Variants in ROR2 observed in about 807,000 individuals in gnomAD.
ROR2 encodes tyrosine-protein kinase transmembrane receptor ROR2.
ROR2 carries 33 observed loss-of-function variants against 74.9 expected under a neutral mutation model. The ratio of observed to expected loss-of-function variants is 0.44; its 90% confidence interval spans 0.33 to 0.59. ROR2 has a LOEUF of 0.59. Ranked by LOEUF, ROR2 falls within the 20% of genes least tolerant of loss-of-function variation. ROR2 has a pLI of 0.02. For synonymous variants in ROR2, 586 were observed against 558.7 expected (o/e 1.05, Z -0.69); for missense variants, 1,216 against 1,313.8 (o/e 0.93, Z 1.15).
intron 2 of ROR2, among the ~76,000 whole-genome samples, chr9:91,763,582 T>C (rs1825978479): frequency 6.6e-6 from 1 of 152,236 alleles, no homozygotes; most frequent in Non-Finnish European, 1.5e-5. Context: ...TCCTTTGGAA[T>C]ATTTCTCGTC....
At position 91,725,210 on chromosome 9, in the gene ROR2, A is replaced by G. The variant is rs376802948; in HGVS notation, c.1387-103T>C. On this transcript the variant is annotated intron_variant, in intron 8 of 8. Transcript: ENST00000375708. ...GTGGAGTCCCTGTGCGGCCACGACT[A>G]GGGGGGCCTTGCAGAAGACCCGCTG... 1.5e-4 allele frequency: 239 copies of G among 1,590,630 alleles called. 1 individual carries two copies. In the African/African-American group the frequency reaches 2.6e-3, roughly 17 times the overall value.
intron 1 of ROR2, among the ~76,000 whole-genome samples, chr9:91,824,736 A>C (rs898959623): frequency 6.6e-6 from 1 of 152,156 alleles, no homozygotes; most frequent in Non-Finnish European, 1.5e-5. Flanking sequence ...GAAACAGGGC[A>C]TCGGGGTGGG....
chr9:91,900,262 G>A (rs563971471), intron 1 of ROR2, among the ~76,000 whole-genome samples: 7 of 152,342 alleles, frequency 4.6e-5, no homozygotes, highest in Admixed American at 1.3e-4. Context: ...AGGCCCAAGC[G>A]CAGAAGCAGA....
At chr9:91,947,529 A>G (rs1185002336) in intron 1 of ROR2, among the ~76,000 whole-genome samples, 1 of 152,134 alleles carries the variant, frequency 6.6e-6, no homozygotes, top group Non-Finnish European at 1.5e-5. Context: ...TTCTAGATGG[A>G]TTTCTTCTAG....
chr9:91,805,702 C>G (rs536301662), intron 1 of ROR2, among the ~76,000 whole-genome samples: 1 of 152,162 alleles, frequency 6.6e-6, no homozygotes, highest in Non-Finnish European at 1.5e-5. Flanking sequence ...TATGAACATA[C>G]GTACACACAC....
intron 1 of ROR2, among the ~76,000 whole-genome samples, chr9:91,858,221 G>A (rs544501827): frequency 6.6e-6 from 1 of 152,356 alleles, no homozygotes; most frequent in South Asian, 2.1e-4. Flanking sequence ...TAACTGAGGT[G>A]GGGGTGCGGG....
intron 1 of ROR2, among the ~76,000 whole-genome samples, chr9:91,945,419 C>A (rs1186434674): frequency 6.6e-6 from 1 of 152,144 alleles, no homozygotes; most frequent in Non-Finnish European, 1.5e-5. Flanking sequence ...TTTAGGGGAA[C>A]CCTCCCCCAC....
chr9:91,893,597 A>C (rs879928444), intron 1 of ROR2, among the ~76,000 whole-genome samples: 3 of 152,130 alleles, frequency 2.0e-5, no homozygotes, highest in Non-Finnish European at 4.4e-5. Flanking sequence ...TTCCCTAATA[A>C]ATGTTTTGCA....
chr9:91,773,324 C>T (rs796204836), intron 2 of ROR2, among the ~76,000 whole-genome samples: 1 of 152,224 alleles, frequency 6.6e-6, no homozygotes, highest in Non-Finnish European at 1.5e-5. Flanking sequence ...CCCCCTCCCC[C>T]TCAACTGCAT....
rs990663656 is a variant in ROR2 at position 91,792,465 on chromosome 9, C to T, written c.98-16647G>A. On this transcript the variant is annotated intron_variant, in intron 1 of 8. Transcript: ENST00000375708. ...CTGGGACTACAGGCGCCCGCCACCA[C>T]GCCCAGCTAATTTTTTGTACTTTTA... is the stretch of plus-strand genomic sequence containing the variant. Among the ~76,000 whole-genome samples the T allele has an allele frequency of 7.2e-5, 11 of 152,152 alleles. No homozygotes were observed. In the East Asian group the frequency reaches 7.7e-4, roughly 11 times the overall value.
intron 1 of ROR2, among the ~76,000 whole-genome samples, chr9:91,906,954 T>C (rs1587837590): frequency 6.6e-6 from 1 of 152,142 alleles, no homozygotes; most frequent in Non-Finnish European, 1.5e-5. Flanking sequence ...TTGGTGGCGG[T>C]GGGAACATTC....
rs10992070 is a variant in ROR2 at position 91,731,188 on chromosome 9, G to A, written c.938-33C>T. The A allele has an allele frequency of 0.11, 178,346 of 1,612,854 alleles. 11,077 individuals carry two copies. Among genetic ancestry groups the A allele is most frequent in the Middle Eastern group, 0.13 (786 of 6,052 alleles). On this transcript the variant is annotated intron_variant, in intron 6 of 8. Coordinates refer to ENST00000375708, the MANE Select transcript of ROR2 (RefSeq NM_004560.4). ...AGGAAAACACGTTAGGAAAACCTCC[G>A]GGGTACAACAAAACCATTCTGCCTA...
intron 1 of ROR2, among the ~76,000 whole-genome samples, chr9:91,926,004 G>A (rs1831385772): frequency 2.6e-5 from 4 of 152,182 alleles, no homozygotes; most frequent in Admixed American, 2.6e-4. Context: ...AGCACTCTGG[G>A]AGGCCGAGGC....
chr9:91,724,653 T>C lies in ROR2; in HGVS notation c.1841A>G (p.Lys614Arg), dbSNP rs1001896010. The C allele has an allele frequency of 5.6e-6, 9 of 1,614,186 alleles. No homozygotes were observed. The highest frequency in any genetic ancestry group is 7.6e-6 in the Non-Finnish European group (9 of 1,180,026). ...TAGCACATTGCGGGTGGCCAGGTCCTTGTGAACCACGTGGTGGCTGGATAG... is the reference window on the plus strand; with the variant it reads ...TAGCACATTGCGGGTGGCCAGGTCCCTGTGAACCACGTGGTGGCTGGATAG... ...EYLSSHHVVH[K>R]DLATRNVLVY... Residue 614 changes from lysine to arginine, a missense_variant, in exon 9 of 9, where the codon AAG (lysine) becomes AGG (arginine). Lys to Arg is a conservative substitution (Grantham distance 26). Coordinates refer to ENST00000375708, the MANE Select transcript of ROR2 (RefSeq NM_004560.4).
chr9:91,928,877 T>C (rs1254288444), intron 1 of ROR2, among the ~76,000 whole-genome samples: 1 of 152,214 alleles, frequency 6.6e-6, no homozygotes, highest in Non-Finnish European at 1.5e-5. Context: ...TCTACATCAC[T>C]AGTTCAATAA....
At chr9:91,791,666 TAAC>T (rs1304376773) in intron 1 of ROR2, among the ~76,000 whole-genome samples, 1 of 152,192 alleles carries the variant, frequency 6.6e-6, no homozygotes, top group African/African-American at 2.4e-5. Flanking sequence ...CCACTTTCGA[TAAC>T]AGAAGAACTA....
intron 1 of ROR2, among the ~76,000 whole-genome samples, chr9:91,798,416 T>C (rs1186685665): frequency 8.6e-6 from 1 of 116,002 alleles, no homozygotes; most frequent in African/African-American, 3.8e-5. Flanking sequence ...CCCTGGGCTC[T>C]GTGGGTGGGG....
chr9:91,863,554 G>A (rs76356967), intron 1 of ROR2, among the ~76,000 whole-genome samples: 2,000 of 152,206 alleles, frequency 0.013, 46 homozygotes, highest in African/African-American at 0.045. Context: ...CAAAAGAAAC[G>A]TGGTGTATCT....
At chr9:91,762,949 A>T (rs1323579132) in intron 2 of ROR2, among the ~76,000 whole-genome samples, 2 of 152,208 alleles carry the variant, frequency 1.3e-5, no homozygotes, top group Non-Finnish European at 2.9e-5. Flanking sequence ...TACATACATG[A>T]CTGGATAAAG....
Sources: allele counts gnomAD v4.1 joint callset (sites outside exome capture counted in the v4.1 genomes callset), GRCh38; gene constraint gnomAD v4.1.1; transcripts MANE v1.5; gene names NCBI Gene and HGNC (gene_info 2026-07-23, HGNC 2026-07-21).